Variants in DNAH8 observed in about 807,000 individuals in gnomAD.
DNAH8 encodes the protein axonemal beta dynein heavy chain 8.
Under a neutral mutation model 562.1 loss-of-function variants are expected in DNAH8, and 382 were observed. That is an observed-to-expected ratio of 0.68 (90% CI 0.63 to 0.74). The LOEUF (loss-of-function observed/expected upper bound fraction) is 0.74, where lower values mean the gene tolerates loss of function less well. Ranked by LOEUF, DNAH8 falls within the 30% of genes least tolerant of loss-of-function variation. The pLI, the probability that DNAH8 is intolerant of heterozygous loss-of-function variation, is 0.00. For synonymous variants in DNAH8, 1,881 were observed against 1,919.4 expected (o/e 0.98, Z 0.52); for missense variants, 5,203 against 5,620.4 (o/e 0.93, Z 2.37).
chr6:38,801,970 G>A (rs1770816573), intron 21 of DNAH8, among the ~76,000 whole-genome samples: 1 of 152,112 alleles, frequency 6.6e-6, no homozygotes, highest in Admixed American at 6.5e-5. Flanking sequence ...TTGAGACAGG[G>A]TCTTGCTCTG....
intron 33 of DNAH8, among the ~76,000 whole-genome samples, 163 bp downstream of exon 33, chr6:38,838,205 A>G (rs1237471673): frequency 1.3e-5 from 2 of 152,230 alleles, no homozygotes; most frequent in East Asian, 3.8e-4. Flanking sequence ...TTGGACACAC[A>G]GTCTCCTATA....
intron 44 of DNAH8, among the ~76,000 whole-genome samples, chr6:38,862,720 G>C (rs1213948400): frequency 6.6e-6 from 1 of 152,114 alleles, no homozygotes; most frequent in East Asian, 1.9e-4. Flanking sequence ...ATAATTGCCT[G>C]AAATAATAGT....
At chr6:38,772,572 TAGG>T (rs1477179343) in intron 12 of DNAH8, among the ~76,000 whole-genome samples, 2 of 152,222 alleles carry the variant, frequency 1.3e-5, no homozygotes, top group African/African-American at 2.4e-5. Context: ...TGTTGAGTTG[TAGG>T]AGTTCTTTAT....
At chr6:38,920,719 A>T (rs901796771) in intron 70 of DNAH8, among the ~76,000 whole-genome samples, 1 of 152,194 alleles carries the variant, frequency 6.6e-6, no homozygotes, top group Non-Finnish European at 1.5e-5. Context: ...ACTAACGTTC[A>T]TGATGGACTT....
At chr6:38,859,454 G>A (rs1407508633) in intron 42 of DNAH8, among the ~76,000 whole-genome samples, 1 of 152,196 alleles carries the variant, frequency 6.6e-6, no homozygotes, top group Non-Finnish European at 1.5e-5. Context: ...TGGTCAGATG[G>A]AGATCTGAAC....
At chr6:38,955,109 A>G (rs1299060199) in intron 82 of DNAH8, among the ~76,000 whole-genome samples, 1 of 152,092 alleles carries the variant, frequency 6.6e-6, no homozygotes, top group Non-Finnish European at 1.5e-5. Flanking sequence ...CTGGGACTAC[A>G]GGCACACACC....
chr6:38,833,877 C>A (rs991921632), intron 31 of DNAH8, among the ~76,000 whole-genome samples: 1 of 152,132 alleles, frequency 6.6e-6, no homozygotes, highest in Non-Finnish European at 1.5e-5. Context: ...GTATATCTAT[C>A]ATATCATGAT....
intron 45 of DNAH8, among the ~76,000 whole-genome samples, chr6:38,864,712 C>T (rs1309040525): frequency 6.6e-6 from 1 of 152,114 alleles, no homozygotes; most frequent in Non-Finnish European, 1.5e-5. Context: ...GGAAAACGTG[C>T]CATCCTATCG....
intron 22 of DNAH8, among the ~76,000 whole-genome samples, chr6:38,803,993 C>G (rs939012531): frequency 6.6e-6 from 1 of 152,222 alleles, no homozygotes; most frequent in Non-Finnish European, 1.5e-5. Context: ...CCCTCATAAC[C>G]TTCATTCAGT....
rs569585167 is a variant in DNAH8 at position 38,752,517 on chromosome 6, A to G, written c.1407+1928A>G. Among the ~76,000 whole-genome samples, 4 of 152,274 alleles carry G rather than the reference A, an allele frequency of 2.6e-5. No individual in the cohort carries two copies. The South Asian group carries it at 8.3e-4, about 32-fold the overall frequency. On this transcript the variant is annotated intron_variant, in intron 9 of 92. Coordinates refer to ENST00000327475, the MANE Select transcript of DNAH8 (RefSeq NM_001206927.2). The stretch of plus-strand genomic sequence containing the variant: ...TATCTGTGTCAGTATTCTTCACTCT[A>G]ATTTTTTAAGAAGTAGTCAAATCTT...
chr6:38,919,871 A>G (rs914346107), intron 70 of DNAH8, among the ~76,000 whole-genome samples: 31 of 152,318 alleles, frequency 2.0e-4, no homozygotes, highest in African/African-American at 6.5e-4. Flanking sequence ...GAGTTAAAGT[A>G]TATACTCACT....
chr6:38,934,330 G>T (rs1782780635), intron 76 of DNAH8, among the ~76,000 whole-genome samples: 1 of 152,010 alleles, frequency 6.6e-6, no homozygotes, highest in Non-Finnish European at 1.5e-5. Flanking sequence ...CCTAGCCTGG[G>T]TGTCAGAGGG....
intron 60 of DNAH8, 139 bp from the exon 61 acceptor site, chr6:38,898,119 T>G (rs1192603301): frequency 6.1e-5 from 47 of 770,404 alleles, no homozygotes; most frequent in Non-Finnish European, 7.9e-5. Context: ...GACTAATACG[T>G]GAGAAACCTC....
At chr6:39,005,933 G>A (rs577753798) in intron 88 of DNAH8, among the ~76,000 whole-genome samples, 1 of 152,346 alleles carries the variant, frequency 6.6e-6, no homozygotes, top group Admixed American at 6.5e-5. Context: ...AGGGCGGGAG[G>A]GATTTGGCTT....
intron 91 of DNAH8, among the ~76,000 whole-genome samples, chr6:39,019,936 C>A (rs1407856474): frequency 6.6e-6 from 1 of 151,948 alleles, no homozygotes; most frequent in Non-Finnish European, 1.5e-5. Context: ...TGAGCCGGGG[C>A]AACCTGGCGG....
intron 8 of DNAH8, among the ~76,000 whole-genome samples, chr6:38,746,290 G>A (rs1471758060): frequency 6.6e-6 from 1 of 151,964 alleles, no homozygotes; most frequent in Non-Finnish European, 1.5e-5. Flanking sequence ...TTTGGCCATC[G>A]GGAAATCTTT....
chr6:38,741,204 A>T (rs1422758728), intron 7 of DNAH8, among the ~76,000 whole-genome samples: 1 of 152,170 alleles, frequency 6.6e-6, no homozygotes, highest in Non-Finnish European at 1.5e-5. Flanking sequence ...CAGGAGTTTG[A>T]GACCAGCTGG....
intron 21 of DNAH8, among the ~76,000 whole-genome samples, chr6:38,797,306 CT>C (rs1379481421): frequency 6.6e-6 from 1 of 152,128 alleles, no homozygotes; most frequent in Non-Finnish European, 1.5e-5. Flanking sequence ...GCCAGCTAGG[CT>C]TCTTAAGTCG....
At chr6:38,791,508 C>G (rs371154201) in intron 20 of DNAH8, 47 bp from the exon 21 acceptor site, 2 of 1,570,408 alleles carry the variant, frequency 1.3e-6, no homozygotes, top group African/African-American at 2.8e-5. Flanking sequence ...AAACCTAGCT[C>G]TAAAGGAAAG....
Sources: allele counts gnomAD v4.1 joint callset (sites outside exome capture counted in the v4.1 genomes callset), GRCh38; gene constraint gnomAD v4.1.1; transcripts MANE v1.5; gene names NCBI Gene and HGNC (gene_info 2026-07-23, HGNC 2026-07-21).